Variants in SYT8 observed in about 807,000 individuals in gnomAD.
SYT8 encodes the protein synaptotagmin-8.
SYT8 carries 50 observed loss-of-function variants against 34.9 expected under a neutral mutation model. The observed-to-expected ratio is 1.43, with a 90% CI of 1.14 to 1.81. The LOEUF is 1.81. Ranked by LOEUF, SYT8 falls within the 40% of genes most tolerant of loss-of-function variation. The pLI is 0.00. For synonymous variants in SYT8, 255 were observed against 234.2 expected (o/e 1.09, Z -0.81); for missense variants, 595 against 529.0 (o/e 1.12, Z -1.22).
upstream of SYT8, chr11:1,831,819 C>T: frequency 2.2e-6 from 1 of 454,832 alleles, no homozygotes. Context: ...GCAGTGCTGT[C>T]CGAGAGCTGG....
upstream of SYT8, among the ~76,000 whole-genome samples, chr11:1,833,332 A>T (rs879669809): frequency 1.3e-5 from 2 of 152,216 alleles, no homozygotes; most frequent in Admixed American, 1.3e-4. Flanking sequence ...CCCGAACTCG[A>T]CAAGCTCCGT....
At chr11:1,834,486 AGCTCCGCCGACAGCCAGCCCT>A, upstream of SYT8, 1 of 1,298,896 alleles carries the variant, frequency 7.7e-7, no homozygotes, top group South Asian at 1.3e-5. The surrounding 1 kb of genome is among the most constrained non-coding windows in gnomAD (Gnocchi z 4.5). Flanking sequence ...CTGCTCAGTG[AGCTCCGCCGACAGCCAGCCCT>A]GCTCCTCCCG....
Position 1,835,001 on chromosome 11 carries a change from T to A in SYT8, c.-105T>A. 8.2e-7 allele frequency: 1 copy of A among 1,216,786 alleles called. No homozygotes were observed. Among genetic ancestry groups the A allele is most frequent in the Non-Finnish European group, 1.2e-6 (1 of 844,190 alleles). The allele number at this position is 1,216,786 out of a possible 1,614,324, so 75.4% of individuals were successfully genotyped here. ...CTCCTTGCCCTGGCAGACCCAGCAC[T>A]GGCTGCTGCTAGTCAGATGGGGTAG... On this transcript the variant is annotated 5_prime_UTR_variant, in exon 1 of 8. Transcript: ENST00000341958.
At chr11:1,834,989 C>A (rs1050732860), upstream of SYT8, 28 of 1,084,288 alleles carry the variant, frequency 2.6e-5, no homozygotes, top group African/African-American at 4.1e-4. The surrounding 1 kb of genome is among the most constrained non-coding windows in gnomAD (Gnocchi z 4.5). Context: ...CTTGCCCTGG[C>A]AGACCCAGCA....
rs1211744715 is a variant in SYT8, at chr11:1,835,149, G to C, written c.44G>C (p.Gly15Ala). Residue 15 changes from glycine (G) to alanine (A), a missense_variant, in exon 1 of 8, where the codon GGC becomes GCC. Coordinates refer to ENST00000341958, the MANE Select transcript of SYT8 (RefSeq NM_001394072.1). ...PVSPSAPAPA[G>A]TTAIPGLIPD... is the part of the protein sequence containing the mutation. ...TCTCCCAGTGCCCCGGCCCCAGCTG[G>C]CACCACAGCTATACCTGGGCTTATT... is the stretch of plus-strand genomic sequence containing the variant. 6.2e-7 allele frequency: 1 copy of C among 1,613,358 alleles called. No individual in the cohort carries two copies. The highest frequency in any genetic ancestry group is 8.5e-7 in the Non-Finnish European group (1 of 1,179,958).
intron 1 of SYT8, 24 bp from the exon 2 acceptor site, chr11:1,835,272 C>T: frequency 1.9e-6 from 3 of 1,601,950 alleles, no homozygotes; most frequent in Non-Finnish European, 2.6e-6. Context: ...TCCACAGATG[C>T]ACTCAGCCTG....
rs775721313 is a variant in SYT8, at chr11:1,837,214, T to G, written c.947T>G (p.Val316Gly). The change falls in exon 8 of 8, where the codon GTC becomes GGC. Residue 316 changes from valine (V) to glycine (G), a missense_variant. Transcript: ENST00000341958. The part of the protein sequence containing the change: ...QVQNVDLVLA[V>G]WDRSLPLRTE... ...CAGAATGTGGACCTGGTGCTGGCTG[T>G]CTGGGACCGCAGCCTGCCGCTCCGA... 3.2e-6 allele frequency: 5 copies of G among 1,568,896 alleles called. No homozygotes were observed. The highest frequency in any genetic ancestry group is 4.3e-6 in the Non-Finnish European group (5 of 1,158,718).
At chr11:1,832,339 G>A (rs893708248), upstream of SYT8, among the ~76,000 whole-genome samples, 1 of 152,202 alleles carries the variant, frequency 6.6e-6, no homozygotes, top group African/African-American at 2.4e-5. Flanking sequence ...TAAGGAGCCC[G>A]CTGGAGCGGT....
Position 1,836,974 on chromosome 11 carries a change from C to T in SYT8, c.808C>T (p.Gln270Ter), listed in dbSNP as rs1157436348. The change falls in exon 7 of 8, where the codon CAG becomes TAG. Residue 270 changes from glutamine (Q) to a stop codon, truncating the protein, a stop_gained. Transcript: ENST00000341958. LOFTEE classifies it high-confidence loss of function. ...PGLAEPYVKV[Q>*]LMLNQRKWKK... ...CCTCCCAGAGCCCTACGTGAAGGTC[C>T]AGCTCATGCTGAACCAGAGGAAGTG... 1.2e-6 allele frequency: 2 copies of T among 1,613,710 alleles called. No homozygotes were observed. Among genetic ancestry groups the T allele is most frequent in the Non-Finnish European group, 8.5e-7 (1 of 1,180,006 alleles).
chr11:1,832,864 G>C (rs1846720230), upstream of SYT8, among the ~76,000 whole-genome samples: 1 of 150,912 alleles, frequency 6.6e-6, no homozygotes, highest in Non-Finnish European at 1.5e-5. Context: ...CTCCCCGCCC[G>C]GCCCTGACTG....
chr11:1,835,324 C>T lies in SYT8; in HGVS notation c.123C>T (p.Ala41=). The T allele has an allele frequency of 6.9e-6, 11 of 1,602,104 alleles. No individual in the cohort carries two copies. The highest frequency in any genetic ancestry group is 9.4e-6 in the Non-Finnish European group (11 of 1,174,026). ...PWPRWALIAG[A]LAAGVLLVSC... is the part of the protein sequence containing the mutation. ...CCCGCTGGGCTCTCATTGCCGGCGCCCTTGCCGCGGGCGTCCTCCTCGTCT... is the reference window on the plus strand; with the variant it reads ...CCCGCTGGGCTCTCATTGCCGGCGCTCTTGCCGCGGGCGTCCTCCTCGTCT... Residue 41 remains alanine (A), a synonymous_variant, in exon 2 of 8, where the codon GCC becomes GCT. Coordinates refer to ENST00000341958, the MANE Select transcript of SYT8 (RefSeq NM_001394072.1).
chr11:1,832,618 G>A (rs1846709392), upstream of SYT8, among the ~76,000 whole-genome samples: 1 of 152,106 alleles, frequency 6.6e-6, no homozygotes. Context: ...GGCGGACGGC[G>A]CCACCTGGTG....
In SYT8 at chr11:1,836,906, G is replaced by A. The variant is rs370098941; in HGVS notation, c.790+45G>A. 1.4e-5 allele frequency: 22 copies of A among 1,612,634 alleles called. No homozygotes were observed. In the African/African-American group the frequency reaches 1.6e-4, roughly 12 times the overall value. On this transcript the variant is annotated intron_variant, in intron 6 of 7. Coordinates refer to ENST00000341958, the MANE Select transcript of SYT8 (RefSeq NM_001394072.1). Reference sequence around the variant, plus strand: ...ACGTTGTTGTACAGAGGGGGGGCCCGTGCTCAGCCCCGAGCCCTGGGATGC... The same window carrying A: ...ACGTTGTTGTACAGAGGGGGGGCCCATGCTCAGCCCCGAGCCCTGGGATGC...
In SYT8 at chr11:1,836,492, G is replaced by T; in HGVS notation, c.584G>T (p.Gly195Val). 1 of 1,612,246 alleles carries T rather than the reference G, an allele frequency of 6.2e-7. No homozygotes were observed. The highest frequency in any genetic ancestry group is 1.7e-5 in the Admixed American group (1 of 59,938). ...VQLFNFKRFS[G>V]HEPLGELRLP... is the part of the protein sequence containing the mutation. ...CTTTTCAACTTCAAGCGCTTCTCGG[G>T]GCATGAGCCCCTGGGTGAGCTCCGT... The change falls in exon 5 of 8, where the codon GGG becomes GTG. Residue 195 changes from glycine to valine, a missense_variant. Coordinates refer to ENST00000341958, the MANE Select transcript of SYT8 (RefSeq NM_001394072.1).
chr11:1,835,788 G>T, intron 2 of SYT8, 98 bp from the exon 3 acceptor site: 2 of 1,070,142 alleles, frequency 1.9e-6, no homozygotes, highest in Non-Finnish European at 2.8e-6. Context: ...TGGAGGCGGG[G>T]GGTCTTGACC....
At position 1,836,505 on chromosome 11, in the gene SYT8, G is replaced by A. The variant is rs754762609; in HGVS notation, c.597G>A (p.Leu199=). Residue 199 remains leucine (L), a synonymous_variant, in exon 5 of 8, where the codon CTG becomes CTA. Coordinates refer to ENST00000341958, the MANE Select transcript of SYT8 (RefSeq NM_001394072.1). The part of the protein sequence containing the change: ...NFKRFSGHEP[L]GELRLPLGTV... The stretch of plus-strand genomic sequence containing the variant: ...AGCGCTTCTCGGGGCATGAGCCCCT[G>A]GGTGAGCTCCGTCTGCCACTGGGCA... 4 of 1,612,604 alleles carry A rather than the reference G, an allele frequency of 2.5e-6. No individual in the cohort carries two copies. The South Asian group carries it at 3.3e-5, about 13-fold the overall frequency.
In SYT8 at chr11:1,835,157, G is replaced by A. The variant is rs1846831894; in HGVS notation, c.52G>A (p.Ala18Thr). Residue 18 changes from alanine (A) to threonine (T), a missense_variant, in exon 1 of 8, where the codon GCT becomes ACT. Coordinates refer to ENST00000341958, the MANE Select transcript of SYT8 (RefSeq NM_001394072.1). ...PSAPAPAGTT[A>T]IPGLIPDLVA... is the part of the protein sequence containing the mutation. ...TGCCCCGGCCCCAGCTGGCACCACA[G>A]CTATACCTGGGCTTATTCCAGACCT... The A allele has an allele frequency of 4.3e-6, 7 of 1,613,496 alleles. No individual in the cohort carries two copies. The highest frequency in any genetic ancestry group is 5.9e-6 in the Non-Finnish European group (7 of 1,179,952).
chr11:1,836,184 A>G lies in SYT8; in HGVS notation c.416A>G (p.Tyr139Cys). 2 of 1,572,264 alleles carry G rather than the reference A, an allele frequency of 1.3e-6. No homozygotes were observed. The highest frequency in any genetic ancestry group is 1.7e-6 in the Non-Finnish European group (2 of 1,161,092). ...DLRPGGTVDP[Y>C]ARVSVSTQAG... ...AGGCCTGGGGGCACCGTGGACCCCTATGCCCGGGTCAGCGTCTCCACCCAG... is the reference window on the plus strand; with the variant it reads ...AGGCCTGGGGGCACCGTGGACCCCTGTGCCCGGGTCAGCGTCTCCACCCAG... The change falls in exon 4 of 8, where the codon TAT becomes TGT. Residue 139 changes from tyrosine to cysteine, a missense_variant. Physicochemically the swap from Tyr to Cys is radical, Grantham distance 194 (BLOSUM62 -2). Coordinates refer to ENST00000341958, the MANE Select transcript of SYT8 (RefSeq NM_001394072.1).
chr11:1,837,213 G>C lies in SYT8; in HGVS notation c.946G>C (p.Val316Leu), dbSNP rs1383173858. Residue 316 changes from valine to leucine, a missense_variant, in exon 8 of 8, where the codon GTC becomes CTC. Transcript: ENST00000341958. ...QVQNVDLVLA[V>L]WDRSLPLRTE... ...ACAGAATGTGGACCTGGTGCTGGCT[G>C]TCTGGGACCGCAGCCTGCCGCTCCG... 1 of 1,568,726 alleles carries C rather than the reference G, an allele frequency of 6.4e-7. No individual in the cohort carries two copies. Among genetic ancestry groups the C allele is most frequent in the East Asian group, 2.2e-5 (1 of 44,500 alleles).
Sources: allele counts gnomAD v4.1 joint callset (sites outside exome capture counted in the v4.1 genomes callset), GRCh38; gene constraint gnomAD v4.1.1; non-coding constraint Gnocchi (gnomAD v3.1); transcripts MANE v1.5; gene names NCBI Gene and HGNC (gene_info 2026-07-23, HGNC 2026-07-21).